Variants in ASXL1 observed in about 807,000 individuals in gnomAD.
ASXL1 encodes polycomb group protein ASXL1.
ASXL1 carries 65 observed loss-of-function variants against 89.1 expected under a neutral mutation model. That is an observed-to-expected ratio of 0.73 (90% CI 0.60 to 0.90). The LOEUF is 0.90. Ranked by LOEUF, ASXL1 falls within the 40% of genes least tolerant of loss-of-function variation. The probability of loss-of-function intolerance (pLI) is 0.00; values close to 1 mark genes in which losing one functional copy is unlikely to be tolerated. For synonymous variants in ASXL1, 739 were observed against 746.9 expected (o/e 0.99, Z 0.17); for missense variants, 1,786 against 1,942.9 (o/e 0.92, Z 1.52).
chr20:32,427,200 A>G (rs1382998582), intron 4 of ASXL1: 3 of 152,308 alleles, frequency 2.0e-5, no homozygotes, highest in Non-Finnish European at 2.9e-5. Flanking sequence ...CTGAGTCTAC[A>G]TGTCGTGAGT....
In ASXL1 at chr20:32,434,859, CT is replaced by C; in HGVS notation, c.2148del (p.Arg717GlyfsTer8). ...CAGGCCGGAACTGCCATGTCCAGAG[CT>C]AGGAGAGAGGACCTGCCTTCTCTGA... ...HTQAGTAMSR[A>X]RREDLPSLRK... On this transcript the variant is annotated frameshift_variant, in exon 13 of 13. Coordinates refer to ENST00000375687, the MANE Select transcript of ASXL1 (RefSeq NM_015338.6). LOFTEE classifies it low-confidence loss of function (END_TRUNC). The C allele has an allele frequency of 6.2e-7, 1 of 1,614,142 alleles. No individual in the cohort carries two copies. Among genetic ancestry groups the C allele is most frequent in the Non-Finnish European group, 8.5e-7 (1 of 1,180,018 alleles).
rs1306818500 is a variant in ASXL1, at chr20:32,430,050, A to G, written c.715A>G (p.Thr239Ala). Residue 239 changes from threonine (T) to alanine (A), a missense_variant, in exon 8 of 13, where the codon ACA becomes GCA. By Grantham distance (58) the Thr-to-Ala change is moderately conservative (BLOSUM62 0). This residue lies in a region of ASXL1 where 332 missense variants were observed against 449.7 expected (regional missense o/e 0.74). Transcript: ENST00000375687. ...CCTGAGAGGCTTCCGGAAGCCAGCC[A>G]CAGGTGAGTGGCGTGGCACTTATTT... The part of the protein sequence containing the change: ...PLLRGFRKPA[T>A]GQMKRNRGEE... 6.2e-7 allele frequency: 1 copy of G among 1,604,494 alleles called. No homozygotes were observed.
At chr20:32,402,037 G>A (rs920464923) in intron 4 of ASXL1, among the ~76,000 whole-genome samples, 7 of 152,248 alleles carry the variant, frequency 4.6e-5, no homozygotes, top group African/African-American at 7.2e-5. Flanking sequence ...GCAAGGGTAA[G>A]TGGTGACTAC....
At chr20:32,359,212 G>A (rs1050194762) in intron 1 of ASXL1, 3 of 700,076 alleles carry the variant, frequency 4.3e-6, no homozygotes, top group Non-Finnish European at 7.8e-6. Context: ...TCCGGGAAGG[G>A]TCGGAAGCTC....
chr20:32,367,193 A>T (rs2048219710), intron 2 of ASXL1, among the ~76,000 whole-genome samples: 2 of 152,178 alleles, frequency 1.3e-5, no homozygotes, highest in Non-Finnish European at 2.9e-5. Context: ...CCTGGCCAAC[A>T]TGGCAAAACC....
intron 4 of ASXL1, among the ~76,000 whole-genome samples, chr20:32,411,067 T>A (rs1183672055): frequency 7.8e-5 from 11 of 140,610 alleles, no homozygotes; most frequent in African/African-American, 3.1e-4. Flanking sequence ...AAAAAAAAAT[T>A]AGTACTCTGA....
chr20:32,384,343 C>G (rs1265950875), intron 4 of ASXL1, among the ~76,000 whole-genome samples: 1 of 151,594 alleles, frequency 6.6e-6, no homozygotes, highest in African/African-American at 2.4e-5. Flanking sequence ...AGTGGGATTG[C>G]AGGTGTGTGC....
chr20:32,358,927 C>T, intron 1 of ASXL1, 95 bp downstream of exon 1: 2 of 1,281,674 alleles, frequency 1.6e-6, no homozygotes, highest in South Asian at 1.7e-5. Context: ...AAGGCCCTGC[C>T]CACCGCGGGA....
intron 1 of ASXL1, among the ~76,000 whole-genome samples, chr20:32,365,414 T>C (rs1025165018): frequency 2.6e-5 from 4 of 152,264 alleles, no homozygotes; most frequent in Non-Finnish European, 4.4e-5. Flanking sequence ...AGCAGACCTA[T>C]CAGACGAGAT....
intron 4 of ASXL1, among the ~76,000 whole-genome samples, chr20:32,377,270 G>A (rs1323065408): frequency 6.8e-6 from 1 of 147,876 alleles, no homozygotes; most frequent in Non-Finnish European, 1.5e-5. Flanking sequence ...ACAGGCGTGA[G>A]CCACGTGCCT....
chr20:32,428,803 G>T (rs2011424595), intron 6 of ASXL1: 1 of 295,662 alleles, frequency 3.4e-6, no homozygotes, highest in South Asian at 3.2e-5. Context: ...TGGGATTACA[G>T]GCACGTACCA....
In ASXL1 at chr20:32,436,430, T is replaced by C. The variant is rs778970085; in HGVS notation, c.3718T>C (p.Cys1240Arg). 6.2e-6 allele frequency: 10 copies of C among 1,613,940 alleles called. No individual in the cohort carries two copies. In the East Asian group the frequency reaches 2.2e-4, roughly 36 times the overall value. The change falls in exon 13 of 13, where the codon TGT becomes CGT. Residue 1240 changes from cysteine to arginine, a missense_variant. Around this residue, in one of 3 missense-constraint regions of ASXL1, gnomAD observed 1,418 missense variants for 1,427.8 expected, o/e 0.99. Transcript: ENST00000375687. ...CAAAGAGCAGTTCTCTTCCTTTAGT[T>C]GTGAAGATCAGAAGGAAGTCCGTGC... Reference protein sequence around the residue: ...DSKEQFSSFSCEDQKEVRAMS... With the variant: ...DSKEQFSSFSREDQKEVRAMS...
At chr20:32,398,605 T>TTTTTTTTTTTGTTTG (rs2048810869) in intron 4 of ASXL1, among the ~76,000 whole-genome samples, 1 of 148,538 alleles carries the variant, frequency 6.7e-6, no homozygotes, top group African/African-American at 2.5e-5. Context: ...TTTTGTTTGT[T>TTTTTTTTTTTGTTTG]TTTTTTTTTG....
chr20:32,381,241 T>G (rs2048480657), intron 4 of ASXL1, among the ~76,000 whole-genome samples: 1 of 152,176 alleles, frequency 6.6e-6, no homozygotes, highest in African/African-American at 2.4e-5. Flanking sequence ...GATTTCCCTC[T>G]GTTATTTAGG....
At chr20:32,409,480 CTAAA>C (rs944804289) in intron 4 of ASXL1, among the ~76,000 whole-genome samples, 37 of 152,198 alleles carry the variant, frequency 2.4e-4, no homozygotes, top group African/African-American at 8.7e-4. Context: ...CCCCTAACCT[CTAAA>C]TAGTTATTAA....
chr20:32,372,673 C>CTG (rs2048317510), intron 4 of ASXL1: 1 of 162,140 alleles, frequency 6.2e-6, no homozygotes, highest in Non-Finnish European at 1.3e-5. Flanking sequence ...TGGCTCACTG[C>CTG]AACCTCCACC....
At chr20:32,380,850 G>T (rs992820734) in intron 4 of ASXL1, among the ~76,000 whole-genome samples, 1 of 152,216 alleles carries the variant, frequency 6.6e-6, no homozygotes, top group African/African-American at 2.4e-5. Flanking sequence ...AAATCATGGA[G>T]CTTATCATTT....
intron 4 of ASXL1, among the ~76,000 whole-genome samples, chr20:32,403,598 A>G (rs1339158906): frequency 6.6e-6 from 1 of 151,884 alleles, no homozygotes; most frequent in Non-Finnish European, 1.5e-5. Context: ...CTTTTTTTGT[A>G]GTGCTGGGGT....
At chr20:32,378,543 G>A (rs527277351) in intron 4 of ASXL1, among the ~76,000 whole-genome samples, 4 of 152,214 alleles carry the variant, frequency 2.6e-5, no homozygotes, top group African/African-American at 9.6e-5. Flanking sequence ...TCTACTTTGA[G>A]TTCTTGATTT....
Sources: allele counts gnomAD v4.1 joint callset (sites outside exome capture counted in the v4.1 genomes callset), GRCh38; gene constraint gnomAD v4.1.1; regional missense constraint gnomAD v4.1.1; transcripts MANE v1.5; gene names NCBI Gene and HGNC (gene_info 2026-07-23, HGNC 2026-07-21).